SRL: variants seen among roughly 807,000 people sequenced by gnomAD.
SRL encodes the protein sarcalumenin.
In SRL, 23 loss-of-function variants were observed where a neutral mutation model predicts 39.5. The ratio of observed to expected loss-of-function variants is 0.58; its 90% CI spans 0.42 to 0.82. SRL has a LOEUF of 0.82. Among genes scored for constraint, SRL ranks in the 40% least tolerant of loss-of-function variants. The pLI is 0.00. For missense variants in SRL, 592 were observed against 607.8 expected (o/e 0.97, Z 0.27); for synonymous variants, 272 against 237.4 (o/e 1.15, Z -1.34).
Position 4,192,048 on chromosome 16 carries a change from A to T in SRL, c.*105T>A. ...ATGAACTCCCAACTCTCCACTGTGTAATAATTCCTGCCAGTGTGGCTCAAA... is the reference window on the plus strand; with the variant it reads ...ATGAACTCCCAACTCTCCACTGTGTTATAATTCCTGCCAGTGTGGCTCAAA... On this transcript the variant is annotated 3_prime_UTR_variant, in exon 6 of 6. Transcript: ENST00000399609. The surrounding 1 kb of genome is among the most constrained non-coding windows in gnomAD (Gnocchi z 4.0). 1 of 1,275,184 alleles carries T rather than the reference A, an allele frequency of 7.8e-7. No individual in the cohort carries two copies. Among genetic ancestry groups the T allele is most frequent in the Non-Finnish European group, 1.1e-6 (1 of 917,290 alleles). The allele number at this position is 1,275,184 out of a possible 1,614,324, so 79.0% of individuals were successfully genotyped here. A position where few individuals can be genotyped will look rare whatever the true frequency, so the allele number is the denominator to read the frequency against.
intron 1 of SRL, among the ~76,000 whole-genome samples, chr16:4,239,051 G>A (rs2052744332): frequency 6.6e-6 from 1 of 152,176 alleles, no homozygotes; most frequent in South Asian, 2.1e-4. Context: ...GGAACCAGCT[G>A]TGGGGAAAAG....
chr16:4,193,895 A>G (rs930403159), intron 5 of SRL, among the ~76,000 whole-genome samples: 2 of 150,284 alleles, frequency 1.3e-5, no homozygotes, highest in Non-Finnish European at 3.0e-5. Flanking sequence ...TAACATTACT[A>G]ATAATACTAC....
Position 4,189,851 on chromosome 16 carries a change from C to A in SRL, c.*2302G>T, listed in dbSNP as rs908441358. ...TTTTTTTGTTTTTCCCCTGACTACACAGAAAAACAGATCTGCCAAAGCAGC... is the reference window on the plus strand; with the variant it reads ...TTTTTTTGTTTTTCCCCTGACTACAAAGAAAAACAGATCTGCCAAAGCAGC... On this transcript the variant is annotated 3_prime_UTR_variant, in exon 6 of 6. Transcript: ENST00000399609. The A allele has an allele frequency of 6.2e-6, 1 of 160,430 alleles. No individual in the cohort carries two copies. The highest frequency in any genetic ancestry group is 2.4e-5 in the African/African-American group (1 of 41,754). 9.9% of individuals were successfully genotyped at this position (160,430 alleles called of 1,614,324 possible).
At chr16:4,196,528 C>G (rs1409624680) in intron 4 of SRL, among the ~76,000 whole-genome samples, 7 of 144,406 alleles carry the variant, frequency 4.8e-5, no homozygotes, top group African/African-American at 1.8e-4. Context: ...ATCGCCCAGG[C>G]TGGAGTGCAG....
chr16:4,237,205 G>A (rs2052722473), intron 1 of SRL, among the ~76,000 whole-genome samples: 1 of 152,104 alleles, frequency 6.6e-6, no homozygotes, highest in African/African-American at 2.4e-5. Flanking sequence ...GCCTCCCAAA[G>A]TGCTGGGATT....
In SRL at chr16:4,203,278, C is replaced by G; in HGVS notation, c.164-17G>C. 6.2e-7 allele frequency: 1 copy of G among 1,610,042 alleles called. No homozygotes were observed. The highest frequency in any genetic ancestry group is 8.5e-7 in the Non-Finnish European group (1 of 1,176,494). ...GCAGCACCGCTGGAGACAGAGAGGG[C>G]CGGGGGAAGAGCATCACGCAGGTGC... On this transcript the variant is annotated splice_polypyrimidine_tract_variant and intron_variant, in intron 2 of 5. Coordinates refer to ENST00000399609, the MANE Select transcript of SRL (RefSeq NM_001098814.2).
At position 4,202,244 on chromosome 16, in the gene SRL, G is replaced by C. The variant is rs140908758; in HGVS notation, c.259+922C>G. ...CATCTATGTGCTCACACATGAAGAG[G>C]AAATGCTTGGAAGGCTTCACTATAA... On this transcript the variant is annotated intron_variant, in intron 3 of 5. Transcript: ENST00000399609. Among the ~76,000 whole-genome samples the C allele has an allele frequency of 1.9e-4, 29 of 152,350 alleles. 1 individual carries two copies. Among genetic ancestry groups the C allele is most frequent in the Admixed American group, 1.8e-3 (28 of 15,308 alleles).
In SRL at chr16:4,190,905, A is replaced by G. The variant is rs2052052888; in HGVS notation, c.*1248T>C. 6.3e-6 allele frequency: 1 copy of G among 158,026 alleles called. No individual in the cohort carries two copies. The highest frequency in any genetic ancestry group is 2.4e-5 in the African/African-American group (1 of 41,694). The allele number at this position is 158,026 out of a possible 1,614,324, so 9.8% of individuals were successfully genotyped here. A position where few individuals can be genotyped will look rare whatever the true frequency, so the allele number is the denominator to read the frequency against. ...AGCAACTCCGCTGCCAAGTGTTTCC[A>G]CAGGGGAGTTGTGGAAACAGCCTCC... On this transcript the variant is annotated 3_prime_UTR_variant, in exon 6 of 6. Transcript: ENST00000399609.
Position 4,192,408 on chromosome 16 carries a change from A to G in SRL, c.1167T>C (p.Asn389=), listed in dbSNP as rs777874966. 9 of 1,614,222 alleles carry G rather than the reference A, an allele frequency of 5.6e-6. No individual in the cohort carries two copies. In the South Asian group the frequency reaches 7.7e-5, roughly 14 times the overall value. ...GGTTGGGAAGGTCAAATTTGCTGACATTGGTCTTTGCCAGGATGGTCTTGA... is the reference window on the plus strand; with the variant it reads ...GGTTGGGAAGGTCAAATTTGCTGACGTTGGTCTTTGCCAGGATGGTCTTGA... ...YIFKTILAKT[N]VSKFDLPNRE... Residue 389 remains asparagine, a synonymous_variant, in exon 6 of 6, where the codon AAT becomes AAC. Transcript: ENST00000399609. The surrounding 1 kb of genome is among the most constrained non-coding windows in gnomAD (Gnocchi z 4.0).
intron 1 of SRL, among the ~76,000 whole-genome samples, chr16:4,211,954 T>A (rs1364936467): frequency 6.6e-6 from 1 of 152,154 alleles, no homozygotes; most frequent in Non-Finnish European, 1.5e-5. Context: ...CTAGGTCTGA[T>A]GTCCTATAAC....
At chr16:4,220,577 T>C (rs1442710094) in intron 1 of SRL, among the ~76,000 whole-genome samples, 2 of 152,170 alleles carry the variant, frequency 1.3e-5, no homozygotes, top group Non-Finnish European at 2.9e-5. Context: ...GCAGGCTCCA[T>C]CCCGCCCCTC....
chr16:4,190,323 G>T lies in SRL; in HGVS notation c.*1830C>A, dbSNP rs2052045923. 2.5e-6 allele frequency: 1 copy of T among 399,144 alleles called. No individual in the cohort carries two copies. The highest frequency in any genetic ancestry group is 4.4e-5 in the Admixed American group (1 of 22,734). The allele number at this position is 399,144 out of a possible 1,614,324, so 24.7% of individuals were successfully genotyped here. A position where few individuals can be genotyped will look rare whatever the true frequency, so the allele number is the denominator to read the frequency against. ...CCTCTGCCTGCCTTTCCACTGTCCT[G>T]GGTCCAGGATGACTTCCTGGTGCTG... On this transcript the variant is annotated 3_prime_UTR_variant, in exon 6 of 6. Transcript: ENST00000399609.
chr16:4,236,404 T>C (rs1357624124), intron 1 of SRL, among the ~76,000 whole-genome samples: 1 of 152,130 alleles, frequency 6.6e-6, no homozygotes, highest in Non-Finnish European at 1.5e-5. Flanking sequence ...CTGAAATTCA[T>C]TTATCTTCTT....
chr16:4,200,436 G>T (rs904918017), intron 3 of SRL, among the ~76,000 whole-genome samples: 1 of 152,202 alleles, frequency 6.6e-6, no homozygotes, highest in African/African-American at 2.4e-5. Context: ...TATACAGGAG[G>T]TGGGAGGTGA....
chr16:4,207,908 G>A (rs530023938), intron 1 of SRL: 14 of 456,686 alleles, frequency 3.1e-5, no homozygotes, highest in South Asian at 1.9e-4. Context: ...CCGCGCTGGC[G>A]GCAGACGCGG....
chr16:4,231,382 A>G (rs1160664446), intron 1 of SRL, among the ~76,000 whole-genome samples: 1 of 152,140 alleles, frequency 6.6e-6, no homozygotes, highest in African/African-American at 2.4e-5. Flanking sequence ...GGTCCCAGGA[A>G]GATCAAATAG....
intron 1 of SRL, among the ~76,000 whole-genome samples, chr16:4,220,521 A>T (rs1450827427): frequency 6.6e-6 from 1 of 151,536 alleles, no homozygotes; most frequent in African/African-American, 2.4e-5. Context: ...ACATCCCCAG[A>T]CCCCTTAACC....
intron 1 of SRL, among the ~76,000 whole-genome samples, chr16:4,230,995 T>C (rs141414413): frequency 2.0e-5 from 3 of 152,124 alleles, no homozygotes; most frequent in Admixed American, 2.0e-4. Context: ...TTTCAGACTT[T>C]TGGGCTCCAG....
At chr16:4,237,450 C>T (rs1275290089) in intron 1 of SRL, among the ~76,000 whole-genome samples, 2 of 152,128 alleles carry the variant, frequency 1.3e-5, no homozygotes, top group African/African-American at 4.8e-5. Context: ...GTCCACACTC[C>T]CTCACCTACC....
Sources: gnomAD v4.1 joint callset for allele counts (sites outside exome capture counted in the v4.1 genomes callset) on GRCh38, gnomAD v4.1.1 for gene constraint, Gnocchi (gnomAD v3.1) non-coding constraint, MANE v1.5 for transcripts, NCBI Gene and HGNC (gene_info 2026-07-23, HGNC 2026-07-21) for gene names.